Variants in GAREM1 observed in about 807,000 individuals in gnomAD.
The protein encoded by GAREM1 is GRB2-associated and regulator of MAPK protein 1.
GAREM1 carries 26 observed loss-of-function variants against 71.3 expected under a neutral mutation model. The ratio of observed to expected loss-of-function variants is 0.36; its 90% CI spans 0.27 to 0.51. The LOEUF is 0.51. Ranked by LOEUF, GAREM1 falls within the 20% of genes least tolerant of loss-of-function variation. The pLI is 0.95. For missense variants in GAREM1, 1,026 were observed against 1,103.1 expected, an observed-to-expected ratio of 0.93 and a Z score of 0.99; for synonymous variants, 440 against 433.2, an observed-to-expected ratio of 1.02 and a Z score of -0.20.
At chr18:32,454,672 C>CAA (rs2048870897) in intron 1 of GAREM1, among the ~76,000 whole-genome samples, 1 of 152,160 alleles carries the variant, frequency 6.6e-6, no homozygotes, top group Non-Finnish European at 1.5e-5. Context: ...TTGGAAAAGT[C>CAA]AGAGACTGAG....
intron 1 of GAREM1, among the ~76,000 whole-genome samples, chr18:32,453,617 T>A (rs1249594095): frequency 6.6e-6 from 1 of 152,178 alleles, no homozygotes; most frequent in African/African-American, 2.4e-5. Context: ...CTTTCTCTCA[T>A]AAGTACGTTG....
intron 4 of GAREM1, among the ~76,000 whole-genome samples, chr18:32,278,882 C>A (rs1646454557): frequency 6.6e-6 from 1 of 152,108 alleles, no homozygotes; most frequent in South Asian, 2.1e-4. Context: ...TTCTTTTTTC[C>A]ATTTTTATAC....
At chr18:32,360,564 G>A (rs527390673) in intron 2 of GAREM1, among the ~76,000 whole-genome samples, 1 of 151,924 alleles carries the variant, frequency 6.6e-6, no homozygotes, top group South Asian at 2.1e-4. Context: ...ATCTTTTTTG[G>A]GGGGGTGGGG....
At chr18:32,336,822 C>T (rs980457076) in intron 2 of GAREM1, among the ~76,000 whole-genome samples, 1 of 152,182 alleles carries the variant, frequency 6.6e-6, no homozygotes, top group Non-Finnish European at 1.5e-5. Flanking sequence ...GCTCCACTTA[C>T]CAGCCCTTCG....
intron 4 of GAREM1, among the ~76,000 whole-genome samples, chr18:32,283,065 T>C (rs1353865499): frequency 6.6e-6 from 1 of 152,128 alleles, no homozygotes; most frequent in Non-Finnish European, 1.5e-5. Flanking sequence ...CTTGCAAAAT[T>C]TTAAAAAGGG....
At position 32,298,116 on chromosome 18, in the gene GAREM1, C is replaced by T. The variant is rs16962990; in HGVS notation, c.394-9913G>A. 5.5e-3 allele frequency among the ~76,000 whole-genome samples: 831 copies of T among 152,318 alleles called. 9 individuals carry two copies. Among genetic ancestry groups the T allele is most frequent in the African/African-American group, 0.019 (806 of 41,572 alleles). On this transcript the variant is annotated intron_variant, in intron 3 of 5. Transcript: ENST00000269209. The stretch of plus-strand genomic sequence containing the variant: ...TGGGCACATTCAACAGTTTTGTCTA[C>T]ATTTTCGTGTATGTGTGTACTTCTT...
chr18:32,267,875 A>G lies in GAREM1; in HGVS notation c.2627T>C (p.Ile876Thr). The G allele has an allele frequency of 1.2e-6, 2 of 1,608,338 alleles. No homozygotes were observed. Among genetic ancestry groups the G allele is most frequent in the East Asian group, 4.5e-5 (2 of 44,790 alleles). Reference protein sequence around the residue: ...MQFINGWRPKI With the variant: ...MQFINGWRPKT ...TGCTGGCCGGGGGTTATTTGGCTAT[A>G]TTTTGGGCCTCCAGCCATTAATGAA... The change falls in exon 6 of 6, where the codon ATA becomes ACA. Residue 876 changes from isoleucine (I) to threonine (T), a missense_variant. By Grantham distance (89) the Ile-to-Thr change is moderately conservative. Coordinates refer to ENST00000269209, the MANE Select transcript of GAREM1 (RefSeq NM_001242409.2).
intron 2 of GAREM1, among the ~76,000 whole-genome samples, chr18:32,391,447 T>A (rs2048197412): frequency 6.6e-6 from 1 of 152,150 alleles, no homozygotes; most frequent in Non-Finnish European, 1.5e-5. Flanking sequence ...TGACAGAGCT[T>A]TTCACAGCGC....
At chr18:32,397,808 G>A (rs1250414831) in intron 1 of GAREM1, among the ~76,000 whole-genome samples, 1 of 152,142 alleles carries the variant, frequency 6.6e-6, no homozygotes, top group Non-Finnish European at 1.5e-5. Context: ...TCTGCACCAA[G>A]CGGACCTAAT....
intron 4 of GAREM1, among the ~76,000 whole-genome samples, chr18:32,279,729 G>A (rs571545030): frequency 6.6e-6 from 1 of 152,302 alleles, no homozygotes; most frequent in African/African-American, 2.4e-5. Flanking sequence ...CCAGGTCCGT[G>A]GAAAAATTGT....
rs2041396991 is a variant in GAREM1 at position 32,267,918 on chromosome 18, C to T, written c.2584G>A (p.Val862Met). The change falls in exon 6 of 6, where the codon GTG becomes ATG. Residue 862 changes from valine to methionine, a missense_variant. Val to Met is a conservative substitution (Grantham distance 21). Around this residue, in one of 3 missense-constraint regions of GAREM1, gnomAD observed 636 missense variants for 631.2 expected, o/e 1.01. Transcript: ENST00000269209. Reference protein sequence around the residue: ...SEDFKLSKLQVKKIMQFINGW... With the variant: ...SEDFKLSKLQMKKIMQFINGW... ...TTAATGAATTGCATTATCTTCTTCA[C>T]CTGCAATTTGCTCAATTTGAAATCC... The T allele has an allele frequency of 2.3e-5, 37 of 1,613,776 alleles. No homozygotes were observed. The highest frequency in any genetic ancestry group is 3.1e-5 in the Non-Finnish European group (36 of 1,179,870).
intron 3 of GAREM1, among the ~76,000 whole-genome samples, chr18:32,300,345 G>A (rs1425628432): frequency 6.6e-6 from 1 of 152,132 alleles, no homozygotes; most frequent in Non-Finnish European, 1.5e-5. Flanking sequence ...TATTTTAAAC[G>A]AGGAATGGTG....
chr18:32,429,034 C>CA (rs756539650), intron 1 of GAREM1, among the ~76,000 whole-genome samples: 96 of 152,142 alleles, frequency 6.3e-4, no homozygotes, highest in Non-Finnish European at 8.2e-4. Context: ...CCTCTCCTCT[C>CA]AAAAAATAAC....
At chr18:32,414,153 A>C (rs915037698) in intron 1 of GAREM1, among the ~76,000 whole-genome samples, 1 of 152,214 alleles carries the variant, frequency 6.6e-6, no homozygotes, top group Non-Finnish European at 1.5e-5. Flanking sequence ...AGTTTAAATT[A>C]CATTAAATTG....
chr18:32,389,412 C>T (rs1260717054), intron 2 of GAREM1, among the ~76,000 whole-genome samples: 1 of 152,018 alleles, frequency 6.6e-6, no homozygotes, highest in Non-Finnish European at 1.5e-5. Flanking sequence ...TCACAATTAC[C>T]CTAAGAGAAA....
intron 1 of GAREM1, among the ~76,000 whole-genome samples, chr18:32,440,684 G>A (rs923733551): frequency 6.6e-6 from 1 of 152,204 alleles, no homozygotes; most frequent in Non-Finnish European, 1.5e-5. Context: ...AGAACTTACA[G>A]AATGAGTGTC....
chr18:32,317,694 C>CTTTT (rs79726159), intron 2 of GAREM1, among the ~76,000 whole-genome samples: 1 of 131,146 alleles, frequency 7.6e-6, no homozygotes, highest in Non-Finnish European at 1.6e-5. Context: ...TTCGCTGTTG[C>CTTTT]TTTTTTTTTT....
chr18:32,442,965 T>C (rs570174585), intron 1 of GAREM1, among the ~76,000 whole-genome samples: 18 of 152,252 alleles, frequency 1.2e-4, no homozygotes, highest in South Asian at 2.1e-4. Context: ...TAACTCTATG[T>C]CAGTAAGTGG....
At chr18:32,392,377 A>G (rs144958272) in intron 2 of GAREM1, among the ~76,000 whole-genome samples, 1 of 152,294 alleles carries the variant, frequency 6.6e-6, no homozygotes, top group African/African-American at 2.4e-5. Context: ...GGCAGGTATT[A>G]CACTCATTTA....
Sources: gnomAD v4.1 joint callset for allele counts (sites outside exome capture counted in the v4.1 genomes callset) on GRCh38, gnomAD v4.1.1 for gene constraint, gnomAD v4.1.1 regional missense constraint, MANE v1.5 for transcripts, NCBI Gene and HGNC (gene_info 2026-07-23, HGNC 2026-07-21) for gene names.